IPCEF1: variants seen among roughly 807,000 people sequenced by gnomAD.
IPCEF1 encodes the protein interaction protein for cytohesin exchange factors 1.
A neutral mutation model predicts 50.9 loss-of-function variants in IPCEF1; 31 were observed. The ratio of observed to expected loss-of-function variants is 0.61; its 90% confidence interval spans 0.46 to 0.82. The LOEUF (loss-of-function observed/expected upper bound fraction) is 0.82. IPCEF1 is among the 40% of genes least tolerant of loss of function. The pLI, the probability that IPCEF1 is intolerant of heterozygous loss-of-function variation, is 0.00. For missense variants in IPCEF1, 458 were observed against 514.0 expected (o/e 0.89, Z 1.05); for synonymous variants, 181 against 192.0 (o/e 0.94, Z 0.47).
chr6:154,322,503 A>C (rs186806699), intron 1 of IPCEF1, among the ~76,000 whole-genome samples: 97 of 152,306 alleles, frequency 6.4e-4, no homozygotes, highest in Admixed American at 1.3e-3. Flanking sequence ...AAAAAATAAA[A>C]GACTTAAAGA....
intron 2 of IPCEF1, among the ~76,000 whole-genome samples, chr6:154,277,195 A>T (rs1440597170): frequency 6.6e-6 from 1 of 152,240 alleles, no homozygotes; most frequent in Non-Finnish European, 1.5e-5. Context: ...GCTGGAAACC[A>T]CACAGGCACA....
chr6:154,278,010 C>G (rs1312794272), intron 2 of IPCEF1, among the ~76,000 whole-genome samples: 3 of 152,098 alleles, frequency 2.0e-5, no homozygotes, highest in Non-Finnish European at 4.4e-5. Context: ...GCACCTTCCT[C>G]TCTCCCTCCT....
chr6:154,346,119 C>T (rs1336209522), intron 1 of IPCEF1, among the ~76,000 whole-genome samples: 1 of 152,176 alleles, frequency 6.6e-6, no homozygotes, highest in East Asian at 1.9e-4. Context: ...CTCTGCCCAC[C>T]TCAGTGTCCC....
At chr6:154,321,042 C>T (rs573568323) in intron 1 of IPCEF1, among the ~76,000 whole-genome samples, 3 of 152,034 alleles carry the variant, frequency 2.0e-5, no homozygotes, top group Non-Finnish European at 2.9e-5. Context: ...GCAATCCTCC[C>T]ACCTCAGCCT....
chr6:154,355,586 T>G (rs113564306), intron 1 of IPCEF1, among the ~76,000 whole-genome samples: 7 of 151,966 alleles, frequency 4.6e-5, no homozygotes, highest in African/African-American at 1.7e-4. Context: ...CTTCCCGGGT[T>G]CAAGCAATTC....
At chr6:154,244,551 A>G (rs537721936) in intron 5 of IPCEF1, among the ~76,000 whole-genome samples, 3 of 152,268 alleles carry the variant, frequency 2.0e-5, no homozygotes, top group Non-Finnish European at 4.4e-5. Flanking sequence ...GGAATGCATG[A>G]GTGTATCTAA....
intron 1 of IPCEF1, among the ~76,000 whole-genome samples, chr6:154,297,915 A>G (rs1356022711): frequency 6.6e-6 from 1 of 152,118 alleles, no homozygotes; most frequent in Non-Finnish European, 1.5e-5. Context: ...TTTGGACAGC[A>G]CTCTAATGAG....
intron 1 of IPCEF1, among the ~76,000 whole-genome samples, chr6:154,313,082 A>AAAAAAG (rs1314607465): frequency 3.7e-4 from 55 of 149,852 alleles, no homozygotes; most frequent in Non-Finnish European, 1.0e-4. Context: ...AAAAAAAAAA[A>AAAAAAG]AAAACATGGC....
chr6:154,194,699 G>A (rs1162880664), intron 10 of IPCEF1, among the ~76,000 whole-genome samples: 4 of 152,092 alleles, frequency 2.6e-5, no homozygotes, highest in Non-Finnish European at 5.9e-5. Context: ...AAAAACAAAG[G>A]TAATGTAAAA....
Position 154,167,328 on chromosome 6 carries a change from C to T in IPCEF1, c.1104+592G>A, listed in dbSNP as rs1054320752. On this transcript the variant is annotated intron_variant, in intron 11 of 11. Transcript: ENST00000367220. ...GCTTCAGTACTTCCTGTACACTTTC[C>T]CTTATTCCCATTGTGAAAACATCTG... 5.3e-5 allele frequency among the ~76,000 whole-genome samples: 8 copies of T among 152,270 alleles called. No homozygotes were observed. In the South Asian group the frequency reaches 8.3e-4, roughly 16 times the overall value.
chr6:154,159,813 A>C lies in IPCEF1; in HGVS notation c.*15T>G, dbSNP rs1216569021. The C allele has an allele frequency of 1.9e-6, 3 of 1,591,946 alleles. No homozygotes were observed. Among genetic ancestry groups the C allele is most frequent in the Non-Finnish European group, 2.6e-6 (3 of 1,163,746 alleles). ...CTTGTGATAAAATATAAGAGGAGAA[A>C]ACCCTGACTTTGTCTCAAATGGAAT... On this transcript the variant is annotated 3_prime_UTR_variant, in exon 12 of 12. Coordinates refer to ENST00000367220, the MANE Select transcript of IPCEF1 (RefSeq NM_001130700.2).
chr6:154,243,641 C>A (rs1047035076), intron 5 of IPCEF1, among the ~76,000 whole-genome samples: 2 of 152,206 alleles, frequency 1.3e-5, no homozygotes, highest in East Asian at 3.8e-4. Flanking sequence ...ATTTCCAGAG[C>A]TGTTCTCTCA....
chr6:154,322,247 T>G (rs1047241261), intron 1 of IPCEF1, among the ~76,000 whole-genome samples: 1 of 152,074 alleles, frequency 6.6e-6, no homozygotes, highest in East Asian at 1.9e-4. Flanking sequence ...CTGGGCAAGG[T>G]GTCTCACACC....
rs951852468 is a variant in IPCEF1, at chr6:154,156,115, C to T, written c.*3713G>A. 3 of 152,178 alleles carry T rather than the reference C, an allele frequency of 2.0e-5. No individual in the cohort carries two copies. Among genetic ancestry groups the T allele is most frequent in the Non-Finnish European group, 4.4e-5 (3 of 68,044 alleles). 9.4% of individuals were successfully genotyped at this position (152,178 alleles called of 1,614,324 possible). On this transcript the variant is annotated 3_prime_UTR_variant, in exon 12 of 12. Coordinates refer to ENST00000367220, the MANE Select transcript of IPCEF1 (RefSeq NM_001130700.2). ...TTTTCATCCAAGGATCACACAGCAC[C>T]TCCCAAGTAGTCTAATGTACAGAAA...
intron 10 of IPCEF1, among the ~76,000 whole-genome samples, chr6:154,188,059 A>C (rs1343069066): frequency 1.3e-5 from 2 of 152,240 alleles, no homozygotes; most frequent in Non-Finnish European, 2.9e-5. Flanking sequence ...TAGTGTTTGG[A>C]AAGGAAAAAA....
At chr6:154,245,606 A>T (rs78652300) in intron 5 of IPCEF1, among the ~76,000 whole-genome samples, 1 of 152,222 alleles carries the variant, frequency 6.6e-6, no homozygotes, top group African/African-American at 2.4e-5. Context: ...AATGACATGC[A>T]TGCCCACGTC....
At chr6:154,166,282 G>GC (rs1477648442) in intron 11 of IPCEF1, among the ~76,000 whole-genome samples, 4 of 152,160 alleles carry the variant, frequency 2.6e-5, no homozygotes, top group Non-Finnish European at 5.9e-5. Context: ...CACAAAGTTG[G>GC]CCCCCCAGTG....
intron 2 of IPCEF1, among the ~76,000 whole-genome samples, chr6:154,276,145 C>T (rs1782051886): frequency 6.6e-6 from 1 of 151,532 alleles, no homozygotes; most frequent in Non-Finnish European, 1.5e-5. Context: ...GATTGTGCCA[C>T]TGCACTCCAG....
chr6:154,239,812 T>C (rs1780435467), intron 5 of IPCEF1, among the ~76,000 whole-genome samples: 1 of 152,226 alleles, frequency 6.6e-6, no homozygotes, highest in Non-Finnish European at 1.5e-5. Flanking sequence ...CAAGCAATTC[T>C]CTTGCCTCAG....
Sources: allele counts gnomAD v4.1 joint callset (sites outside exome capture counted in the v4.1 genomes callset), GRCh38; gene constraint gnomAD v4.1.1; transcripts MANE v1.5; gene names NCBI Gene and HGNC (gene_info 2026-07-23, HGNC 2026-07-21).